Variants in UGT1A6 observed in about 807,000 individuals in gnomAD.
UGT1A6 encodes the protein UDP-glucuronosyltransferase 1A6.
UGT1A6 carries 32 observed loss-of-function variants against 44.4 expected under a neutral mutation model. The observed-to-expected ratio is 0.72, with a 90% CI of 0.54 to 0.97. The LOEUF (loss-of-function observed/expected upper bound fraction) is 0.97. Ranked by LOEUF, UGT1A6 falls within the 50% of genes least tolerant of loss-of-function variation. The probability of loss-of-function intolerance (pLI) is 0.00; values close to 1 mark genes in which losing one functional copy is unlikely to be tolerated. For missense variants in UGT1A6, 685 were observed against 661.9 expected, an observed-to-expected ratio of 1.03 and a Z score of -0.38; for synonymous variants, 238 against 248.5, an observed-to-expected ratio of 0.96 and a Z score of 0.40.
intron 1 of UGT1A6, among the ~76,000 whole-genome samples, chr2:233,700,669 C>T (rs542466137): frequency 1.3e-5 from 2 of 151,964 alleles, no homozygotes; most frequent in Admixed American, 1.3e-4. Flanking sequence ...CTTTTCAGCA[C>T]AAATTCGTGA....
chr2:233,724,604 G>A (rs1340979109), intron 1 of UGT1A6, among the ~76,000 whole-genome samples: 2 of 132,722 alleles, frequency 1.5e-5, no homozygotes, highest in Non-Finnish European at 3.2e-5. Flanking sequence ...GACGATGGGC[G>A]GCCGGGCAGA....
At chr2:233,750,124 G>C (rs1694369237) in intron 1 of UGT1A6, among the ~76,000 whole-genome samples, 1 of 151,918 alleles carries the variant, frequency 6.6e-6, no homozygotes, top group South Asian at 2.1e-4. Context: ...GAAGATGTGG[G>C]AAAGTTTGGA....
intron 1 of UGT1A6, chr2:233,754,913 C>T (rs778952229): frequency 7.4e-7 from 1 of 1,353,756 alleles, no homozygotes; most frequent in African/African-American, 1.5e-5. Context: ...AAATATTCTC[C>T]AGCGGGTTTC....
rs35915271 is a variant in UGT1A6 at position 233,764,965 on chromosome 2, A to T, written c.862-2069A>T. On this transcript the variant is annotated intron_variant, in intron 1 of 4. Coordinates refer to ENST00000305139, the MANE Select transcript of UGT1A6 (RefSeq NM_001072.4). ...GCGGGGAGAGAGGGCTCACCTTGGG[A>T]GAAGGATGGTCAGTGTCTGGGGCTT... Among the ~76,000 whole-genome samples the T allele has an allele frequency of 1.4e-3, 217 of 150,630 alleles. 1 individual carries two copies. The highest frequency in any genetic ancestry group is 5.0e-3 in the African/African-American group (206 of 40,976).
chr2:233,759,599 A>ACCCCCCCCCCCC (rs1553620419), intron 1 of UGT1A6, among the ~76,000 whole-genome samples: 28 of 108,656 alleles, frequency 2.6e-4, no homozygotes, highest in African/African-American at 6.5e-4. Context: ...CCCACCCCCG[A>ACCCCCCCCCCCC]CCCGCCCCAC....
chr2:233,772,618 A>C lies in UGT1A6; in HGVS notation c.*59A>C. 6.4e-7 allele frequency: 1 copy of C among 1,572,114 alleles called. No homozygotes were observed. The highest frequency in any genetic ancestry group is 2.4e-5 in the East Asian group (1 of 42,372). ...CATTCCCTAGTCATTTCCAAACTTG[A>C]AAACAGAATCAGTGTTAAATTCATT... On this transcript the variant is annotated 3_prime_UTR_variant, in exon 5 of 5. Coordinates refer to ENST00000305139, the MANE Select transcript of UGT1A6 (RefSeq NM_001072.4).
intron 1 of UGT1A6, chr2:233,729,723 A>G (rs563184062): frequency 1.2e-5 from 19 of 1,613,938 alleles, no homozygotes; most frequent in African/African-American, 8.0e-5. Context: ...GATTACTAAC[A>G]ACCAATTCAG....
At chr2:233,720,989 G>A (rs570345451) in intron 1 of UGT1A6, among the ~76,000 whole-genome samples, 1 of 151,692 alleles carries the variant, frequency 6.6e-6, no homozygotes, top group Non-Finnish European at 1.5e-5. Flanking sequence ...GGGATTACAG[G>A]CAAGAGCCAC....
At chr2:233,728,766 G>T (rs1264668797) in intron 1 of UGT1A6, among the ~76,000 whole-genome samples, 1 of 152,192 alleles carries the variant, frequency 6.6e-6, no homozygotes, top group East Asian at 1.9e-4. Context: ...TCAGACCTCA[G>T]CTGCTGCCTG....
chr2:233,749,281 T>G (rs1294493695), intron 1 of UGT1A6, among the ~76,000 whole-genome samples: 1 of 151,972 alleles, frequency 6.6e-6, no homozygotes, highest in African/African-American at 2.4e-5. Context: ...CCTTATGCAG[T>G]GTAGTTATTC....
intron 1 of UGT1A6, chr2:233,756,060 G>T (rs1357944453): frequency 6.6e-6 from 1 of 152,200 alleles, no homozygotes; most frequent in African/African-American, 2.4e-5. Flanking sequence ...CTGTACACTT[G>T]TGGGAGAATG....
At chr2:233,740,004 G>A (rs1691279372) in intron 1 of UGT1A6, among the ~76,000 whole-genome samples, 1 of 151,810 alleles carries the variant, frequency 6.6e-6, no homozygotes, top group African/African-American at 2.4e-5. Context: ...GTCATACTAA[G>A]TGAGTTCTCA....
At chr2:233,718,926 A>T in intron 1 of UGT1A6, 1 of 1,614,126 alleles carries the variant, frequency 6.2e-7, no homozygotes, top group Non-Finnish European at 8.5e-7. Context: ...GGTGGTGCCC[A>T]CTGATGGCAG....
chr2:233,749,182 C>G (rs1694137335), intron 1 of UGT1A6, among the ~76,000 whole-genome samples: 1 of 151,722 alleles, frequency 6.6e-6, no homozygotes, highest in Admixed American at 6.6e-5. Flanking sequence ...TTCTGTACTT[C>G]TTTTTATTAA....
chr2:233,755,163 G>A (rs183842611), intron 1 of UGT1A6: 2 of 1,285,674 alleles, frequency 1.6e-6, no homozygotes, highest in African/African-American at 1.6e-5. Flanking sequence ...CCTGTCCTCG[G>A]GGTTTTTGTC....
intron 1 of UGT1A6, among the ~76,000 whole-genome samples, chr2:233,732,442 G>A (rs1257874591): frequency 6.6e-6 from 1 of 152,146 alleles, no homozygotes; most frequent in Non-Finnish European, 1.5e-5. Flanking sequence ...TATGGTTTTA[G>A]GTCTAACATT....
chr2:233,743,650 G>A (rs556129739), intron 1 of UGT1A6: 20 of 1,367,276 alleles, frequency 1.5e-5, no homozygotes, highest in Admixed American at 1.9e-5. Context: ...AGCTGAAGAC[G>A]TACTCGAAGG....
chr2:233,743,730 C>A (rs189214805), intron 1 of UGT1A6: 9 of 1,367,384 alleles, frequency 6.6e-6, no homozygotes, highest in East Asian at 4.5e-5. Context: ...TCATAGATAT[C>A]GCGTTTCTTG....
chr2:233,710,147 T>C (rs2076113994), intron 1 of UGT1A6, among the ~76,000 whole-genome samples: 1 of 152,240 alleles, frequency 6.6e-6, no homozygotes, highest in South Asian at 2.1e-4. Context: ...TATAGATATA[T>C]CATCATTTGC....
Sources: gnomAD v4.1 joint callset for allele counts (sites outside exome capture counted in the v4.1 genomes callset) on GRCh38, gnomAD v4.1.1 for gene constraint, MANE v1.5 for transcripts, NCBI Gene and HGNC (gene_info 2026-07-23, HGNC 2026-07-21) for gene names.